The following SLC35A2 variants were observed in gnomAD, a reference collection of about 807,000 sequenced individuals.
SLC35A2 encodes the protein UDP-galactose translocator.
SLC35A2 carries 1 observed loss-of-function variant against 17.3 expected under a neutral mutation model. That is an observed-to-expected ratio of 0.06 (90% confidence interval 0.02 to 0.27). SLC35A2 has a LOEUF of 0.27. Ranked by LOEUF, SLC35A2 falls within the 10% of genes least tolerant of loss-of-function variation. The pLI, the probability that SLC35A2 is intolerant of heterozygous loss-of-function variation, is 1.00. For synonymous variants in SLC35A2, 161 were observed against 161.3 expected (o/e 1.00, Z 0.01); for missense variants, 191 against 339.3 (o/e 0.56, Z 3.43).
chrX:48,908,336 T>G (rs1200274462), intron 2 of SLC35A2, among the ~76,000 whole-genome samples: 3 of 110,639 alleles, frequency 2.7e-5, no homozygotes, highest in Non-Finnish European at 3.8e-5. Context: ...GGCTGGTCTC[T>G]AACTCCTGAC....
Position 48,906,479 on chromosome X carries a change from G to C in SLC35A2, c.339C>G (p.Leu113=), listed in dbSNP as rs782701176. The C allele has an allele frequency of 5.8e-6, 7 of 1,207,196 alleles. No individual in the cohort carries two copies. Among genetic ancestry groups the C allele is most frequent in the African/African-American group, 5.3e-5 (3 of 56,855 alleles). ...AGATGAGAGAGGGCACTGCGAGCTT[G>C]AGCGTGTCCACATACTGCACCAGGA... is the stretch of plus-strand genomic sequence containing the variant. ...EAVLVQYVDT[L]KLAVPSLIYT... The change falls in exon 3 of 5, where the codon CTC becomes CTG. Residue 113 remains leucine, a synonymous_variant. Coordinates refer to ENST00000247138, the MANE Select transcript of SLC35A2 (RefSeq NM_005660.3).
rs140079332 is a variant in SLC35A2, at chrX:48,904,951, C to A, written c.958G>T (p.Val320Leu). ...GCGCCAAGGGCAAATAATGGGTCCACGTGGAAGCCAAAGAGGCGAATGGAG... is the reference window on the plus strand; with the variant it reads ...GCGCCAAGGGCAAATAATGGGTCCAAGTGGAAGCCAAAGAGGCGAATGGAG... The part of the protein sequence containing the change: ...VASIRLFGFH[V>L]DPLFALGAGL... The change falls in exon 4 of 5, where the codon GTG becomes TTG. Residue 320 changes from valine (V) to leucine (L), a missense_variant. Physicochemically the swap from Val to Leu is conservative, Grantham distance 32 (BLOSUM62 1). Around this residue, in one of 2 missense-constraint regions of SLC35A2, gnomAD observed 164 missense variants for 315.3 expected, o/e 0.52. Coordinates refer to ENST00000247138, the MANE Select transcript of SLC35A2 (RefSeq NM_005660.3). The A allele has an allele frequency of 1.7e-6, 2 of 1,209,466 alleles. No homozygotes were observed. The highest frequency in any genetic ancestry group is 2.2e-6 in the Non-Finnish European group (2 of 894,731).
At chrX:48,910,082 C>A in intron 1 of SLC35A2, 86 bp from the exon 2 acceptor site, 1 of 956,940 alleles carries the variant, frequency 1.0e-6, no homozygotes. Flanking sequence ...CCCTTTCTTT[C>A]TCACCCAGGA....
At chrX:48,903,928 C>T in intron 4 of SLC35A2, 1 of 765,576 alleles carries the variant, frequency 1.3e-6, no homozygotes, top group Non-Finnish European at 1.5e-6. Flanking sequence ...TAGCTTTTTC[C>T]TCTCCTAGAC....
rs1557042098 is a variant in SLC35A2, at chrX:48,903,365, CAG to C, written c.*71_*72del. 3.4e-6 allele frequency: 2 copies of C among 580,283 alleles called. No individual in the cohort carries two copies. Among genetic ancestry groups the C allele is most frequent in the Non-Finnish European group, 6.2e-6 (2 of 321,450 alleles). 47.8% of individuals were successfully genotyped at this position (580,283 alleles called of 1,213,427 possible). A position where few individuals can be genotyped will look rare whatever the true frequency, so the allele number is the denominator to read the frequency against. On this transcript the variant is annotated 3_prime_UTR_variant, in exon 5 of 5. Transcript: ENST00000247138. ...ACCTCACTCTACCCCTAATACTGAT[CAG>C]AGTTTGGTCCCAGCTGGGCCAAGGG... is the stretch of plus-strand genomic sequence containing the variant.
Position 48,910,308 on chromosome X carries a change from A to C in SLC35A2, c.92-312T>G, listed in dbSNP as rs1398724519. 5.3e-6 allele frequency: 6 copies of C among 1,130,398 alleles called. No homozygotes were observed. The East Asian group carries it at 2.0e-4, about 37-fold the overall frequency. The allele number at this position is 1,130,398 out of a possible 1,213,427, so 93.2% of individuals were successfully genotyped here. ...ACGCGCCTCGGCTTCCTCCCAAGTG[A>C]GAAGCAACTCTTCCCCAGAAAGAAT... On this transcript the variant is annotated intron_variant, in intron 1 of 4. Transcript: ENST00000247138.
intron 4 of SLC35A2, chrX:48,903,784 C>T (rs1273847135): frequency 4.5e-6 from 4 of 894,274 alleles, no homozygotes; most frequent in East Asian, 7.1e-5. Flanking sequence ...ACACACACCC[C>T]GCCCCGATAC....
intron 2 of SLC35A2, among the ~76,000 whole-genome samples, chrX:48,908,732 C>T (rs781955649): frequency 3.6e-5 from 4 of 112,284 alleles, no homozygotes; most frequent in Non-Finnish European, 5.6e-5. Context: ...AGTGTTCACA[C>T]CTACACTGTT....
rs1424869569 is a variant in SLC35A2, at chrX:48,904,285, A to T, written c.1163+461T>A. 8 of 963,089 alleles carry T rather than the reference A, an allele frequency of 8.3e-6. No individual in the cohort carries two copies. The African/African-American group carries it at 1.6e-4, about 19-fold the overall frequency. The allele number at this position is 963,089 out of a possible 1,213,427, so 79.4% of individuals were successfully genotyped here. A position where few individuals can be genotyped will look rare whatever the true frequency, so the allele number is the denominator to read the frequency against. On this transcript the variant is annotated intron_variant, in intron 4 of 4. Transcript: ENST00000247138. ...AAGGCCTCAAACTATGGGCAACTGA[A>T]CCCCACAGGTAGGCATCGGTCATTC...
Position 48,911,646 on chromosome X carries a change from T to G in SLC35A2, c.-10A>C, listed in dbSNP as rs1557044133. 8.6e-7 allele frequency: 1 copy of G among 1,157,526 alleles called. No individual in the cohort carries two copies. ...CCCCAACCGCTGCCATGTTGGCATCTGCCCGGCCCGTCCCCTCGGCAACAG... is the reference window on the plus strand; with the variant it reads ...CCCCAACCGCTGCCATGTTGGCATCGGCCCGGCCCGTCCCCTCGGCAACAG... On this transcript the variant is annotated 5_prime_UTR_variant, in exon 1 of 5. Coordinates refer to ENST00000247138, the MANE Select transcript of SLC35A2 (RefSeq NM_005660.3).
chrX:48,910,211 C>T (rs781804436), intron 1 of SLC35A2: 13 of 1,091,294 alleles, frequency 1.2e-5, no homozygotes, highest in East Asian at 3.3e-5. Context: ...GAGAAATGGG[C>T]CCCACCCTGT....
In SLC35A2 at chrX:48,904,841, G is replaced by A. The variant is rs201330204; in HGVS notation, c.1068C>T (p.Ser356=). The A allele has an allele frequency of 5.9e-5, 71 of 1,209,923 alleles. No individual in the cohort carries two copies. The highest frequency in any genetic ancestry group is 4.6e-4 in the South Asian group (26 of 56,751). ...KAIASASASA[S]GPCVHQQPPG... ...GAGGCTGCTGGTGAACGCAGGGCCC[G>A]GAGGCGGAGGCAGAGGCAGAGGCTA... Residue 356 remains serine, a synonymous_variant, in exon 4 of 5, where the codon TCC becomes TCT. Coordinates refer to ENST00000247138, the MANE Select transcript of SLC35A2 (RefSeq NM_005660.3).
intron 2 of SLC35A2, among the ~76,000 whole-genome samples, chrX:48,908,344 G>A (rs1369643305): frequency 9.0e-6 from 1 of 110,768 alleles, no homozygotes; most frequent in Non-Finnish European, 1.9e-5. Flanking sequence ...TCTAACTCCT[G>A]ACCTTGTGAT....
Position 48,904,902 on chromosome X carries a change from T to C in SLC35A2, c.1007A>G (p.Tyr336Cys). ...LGAGLVIGAV[Y>C]LYSLPRGAAK... ...TGCACCTCGGGGAAGGCTGTAGAGG[T>C]AGACAGCACCAATGACGAGTCCAGC... Residue 336 changes from tyrosine (Y) to cysteine (C), a missense_variant, in exon 4 of 5, where the codon TAC (tyrosine) becomes TGC (cysteine). Around this residue, in one of 2 missense-constraint regions of SLC35A2, gnomAD observed 164 missense variants for 315.3 expected, o/e 0.52. Coordinates refer to ENST00000247138, the MANE Select transcript of SLC35A2 (RefSeq NM_005660.3). The C allele has an allele frequency of 1.7e-6, 2 of 1,210,340 alleles. No individual in the cohort carries two copies. The highest frequency in any genetic ancestry group is 2.2e-6 in the Non-Finnish European group (2 of 894,845).
intron 1 of SLC35A2, among the ~76,000 whole-genome samples, chrX:48,910,835 C>T (rs1395331518): frequency 2.7e-5 from 3 of 110,597 alleles, no homozygotes; most frequent in Non-Finnish European, 3.8e-5. Flanking sequence ...CTCCCTCAAC[C>T]AGATGAGGAA....
upstream of SLC35A2, chrX:48,911,851 C>T (rs1426760041): frequency 8.6e-7 from 1 of 1,166,205 alleles, no homozygotes; most frequent in Non-Finnish European, 1.1e-6. Flanking sequence ...CCCGATCGGC[C>T]TACCCACCAT....
chrX:48,905,098 C>G lies in SLC35A2; in HGVS notation c.811G>C (p.Val271Leu). The G allele has an allele frequency of 1.7e-6, 2 of 1,211,314 alleles. No homozygotes were observed. Among genetic ancestry groups the G allele is most frequent in the Non-Finnish European group, 2.2e-6 (2 of 895,180 alleles). Residue 271 changes from valine (V) to leucine (L), a missense_variant, in exon 4 of 5, where the codon GTC becomes CTC. Physicochemically the swap from Val to Leu is conservative, Grantham distance 32 (BLOSUM62 1). Transcript: ENST00000247138. ...RGFFFGYTPA[V>L]WGVVLNQAFG... ...GCCTGGTTGAGCACCACGCCCCAGA[C>G]AGCAGGTGTGTACCCAAAAAAGAAA...
Position 48,905,435 on chromosome X carries a change from G to A in SLC35A2, c.474C>T (p.Leu158=), listed in dbSNP as rs1442984932. 8.5e-7 allele frequency: 1 copy of A among 1,173,854 alleles called. No individual in the cohort carries two copies. Reference sequence around the variant, plus strand: ...GCCGGGAAAGGCTGCGATTCAGCATGAGCACGGAGAACAGCGCTGTGGTCA... The same window carrying A: ...GCCGGGAAAGGCTGCGATTCAGCATAAGCACGGAGAACAGCGCTGTGGTCA... The part of the protein sequence containing the change: ...KILTTALFSV[L]MLNRSLSRLQ... The change falls in exon 4 of 5, where the codon CTC becomes CTT. Residue 158 remains leucine, a synonymous_variant. Coordinates refer to ENST00000247138, the MANE Select transcript of SLC35A2 (RefSeq NM_005660.3).
rs782161189 is a variant in SLC35A2 at position 48,905,057 on chromosome X, C to A, written c.852G>T (p.Leu284=). The change falls in exon 4 of 5, where the codon CTG becomes CTT. Residue 284 remains leucine, a synonymous_variant. Transcript: ENST00000247138. ...CAGCGTACTTGACAACCACAGCCAC[C>A]AGTAGCCCGCCGAAGGCCTGGTTGA... ...VVLNQAFGGL[L]VAVVVKYADN... 5 of 1,211,282 alleles carry A rather than the reference C, an allele frequency of 4.1e-6. No homozygotes were observed. The Admixed American group carries it at 1.1e-4, about 26-fold the overall frequency.
Sources: gnomAD v4.1 joint callset for allele counts (sites outside exome capture counted in the v4.1 genomes callset) on GRCh38, gnomAD v4.1.1 for gene constraint, gnomAD v4.1.1 regional missense constraint, MANE v1.5 for transcripts, NCBI Gene and HGNC (gene_info 2026-07-23, HGNC 2026-07-21) for gene names.